The following AP2A2 variants were observed in gnomAD, a reference collection of about 807,000 sequenced individuals.
AP2A2 encodes the protein adaptor related protein complex 2 subunit alpha 2.
AP2A2 carries 32 observed loss-of-function variants against 104.2 expected under a neutral mutation model. That is an observed-to-expected ratio of 0.31 (90% CI 0.23 to 0.41). The LOEUF (loss-of-function observed/expected upper bound fraction) is 0.41, where lower values mean the gene tolerates loss of function less well. Among genes scored for constraint, AP2A2 ranks in the 10% least tolerant of loss-of-function variants. AP2A2 has a pLI of 1.00. For missense variants in AP2A2, 912 were observed against 1,261.0 expected, an observed-to-expected ratio of 0.72 and a Z score of 4.19; for synonymous variants, 539 against 533.3, an observed-to-expected ratio of 1.01 and a Z score of -0.15.
intron 14 of AP2A2, chr11:995,938 C>T (rs1454739430): frequency 2.0e-5 from 3 of 151,620 alleles, no homozygotes; most frequent in African/African-American, 7.3e-5. Context: ...CCCTTCACGC[C>T]TGAGCACCTT....
At position 992,345 on chromosome 11, in the gene AP2A2, G is replaced by A. The variant is rs1158107462; in HGVS notation, c.1270-158G>A. On this transcript the variant is annotated intron_variant, in intron 10 of 21. Transcript: ENST00000448903. The surrounding 1 kb of genome is among the most constrained non-coding windows in gnomAD (Gnocchi z 6.4). ...CATCTTAAACTTTCTGGGCTCGTGG[G>A]CTTTTTTGAGAATCGAGTTCAAGCT... 2.0e-5 allele frequency: 15 copies of A among 740,972 alleles called. No individual in the cohort carries two copies. Among genetic ancestry groups the A allele is most frequent in the Middle Eastern group, 3.7e-4 (1 of 2,672 alleles). 45.9% of individuals were successfully genotyped at this position (740,972 alleles called of 1,614,324 possible). A position where few individuals can be genotyped will look rare whatever the true frequency, so the allele number is the denominator to read the frequency against.
chr11:993,513 T>C lies in AP2A2; in HGVS notation c.1550+132T>C. The stretch of plus-strand genomic sequence containing the variant: ...GCCGCTTCTGCTCCCCATCGGCGTC[T>C]TTTTGTTTTCCTTCAGTTGATAGAA... On this transcript the variant is annotated intron_variant, in intron 12 of 21. Transcript: ENST00000448903. The surrounding 1 kb of genome is among the most constrained non-coding windows in gnomAD (Gnocchi z 8.2). 2 of 714,996 alleles carry C rather than the reference T, an allele frequency of 2.8e-6. No homozygotes were observed. Among genetic ancestry groups the C allele is most frequent in the Non-Finnish European group, 4.4e-6 (2 of 451,800 alleles). The allele number at this position is 714,996 out of a possible 1,614,324, so 44.3% of individuals were successfully genotyped here.
chr11:999,675 G>A (rs61867652), intron 14 of AP2A2, among the ~76,000 whole-genome samples: 2,822 of 152,160 alleles, frequency 0.019, 31 homozygotes, highest in Middle Eastern at 0.054. Flanking sequence ...GACTTTTAAT[G>A]ATTAATAATG....
In AP2A2 at chr11:993,294, C is replaced by G. The variant is rs769978755; in HGVS notation, c.1463C>G (p.Ala488Gly). 1.9e-6 allele frequency: 3 copies of G among 1,608,794 alleles called. No homozygotes were observed. The highest frequency in any genetic ancestry group is 2.5e-6 in the Non-Finnish European group (3 of 1,178,548). The change falls in exon 12 of 22, where the codon GCT becomes GGT. Residue 488 changes from alanine to glycine, a missense_variant. Transcript: ENST00000448903. The surrounding 1 kb of genome is among the most constrained non-coding windows in gnomAD (Gnocchi z 8.2). ...GTTTGTGCTTCGCAGGCTCTTCAGG[C>G]TCCCGCGTGCCACGAGAACCTGGTC... is the stretch of plus-strand genomic sequence containing the variant. ...AAKTVFEALQ[A>G]PACHENLVKV...
At chr11:973,885 T>C (rs7943115) in intron 4 of AP2A2, among the ~76,000 whole-genome samples, 88,768 of 152,042 alleles carry the variant, frequency 0.58, 26,662 homozygotes, top group Middle Eastern at 0.73. Context: ...TTTACAAACC[T>C]AGCATCTTGA....
At chr11:1,003,587 T>G in intron 15 of AP2A2, 135 bp from the exon 16 acceptor site, 1 of 554,234 alleles carries the variant, frequency 1.8e-6, no homozygotes, top group Non-Finnish European at 3.2e-6. Context: ...TTGGAATAGT[T>G]TCCACTTTTT....
chr11:972,584 C>T (rs995942533), intron 4 of AP2A2, among the ~76,000 whole-genome samples: 1 of 152,156 alleles, frequency 6.6e-6, no homozygotes, highest in African/African-American at 2.4e-5. Context: ...GTCGTCCCAG[C>T]TACTTGGTAG....
chr11:959,837 G>A (rs533471331), intron 2 of AP2A2, among the ~76,000 whole-genome samples: 1 of 152,154 alleles, frequency 6.6e-6, no homozygotes, highest in Non-Finnish European at 1.5e-5. Context: ...AGGCGCCACC[G>A]AACGCCTCCT....
intron 1 of AP2A2, among the ~76,000 whole-genome samples, chr11:937,834 G>C (rs1006173263): frequency 6.6e-6 from 1 of 152,204 alleles, no homozygotes; most frequent in Non-Finnish European, 1.5e-5. Context: ...ATTGGAGACT[G>C]TCTATACTTA....
At position 970,454 on chromosome 11, in the gene AP2A2, G is replaced by T. The variant is rs1394595748; in HGVS notation, c.279+143G>T. 3.7e-6 allele frequency: 4 copies of T among 1,074,944 alleles called. No individual in the cohort carries two copies. The Admixed American group carries it at 1.1e-4, about 30-fold the overall frequency. The allele number at this position is 1,074,944 out of a possible 1,614,324, so 66.6% of individuals were successfully genotyped here. ...GGGTCTGCTGCAGATGGAGACGCGT[G>T]CCCAGTCCTTGTTAGCACCTGCTGC... On this transcript the variant is annotated intron_variant, in intron 3 of 21. Coordinates refer to ENST00000448903, the MANE Select transcript of AP2A2 (RefSeq NM_012305.4).
chr11:963,318 C>T (rs1244261367), intron 2 of AP2A2, among the ~76,000 whole-genome samples: 2 of 151,648 alleles, frequency 1.3e-5, no homozygotes, highest in African/African-American at 2.4e-5. Flanking sequence ...CCCAGCTACT[C>T]GGGAGGCTGA....
intron 6 of AP2A2, among the ~76,000 whole-genome samples, chr11:982,624 T>C (rs577055805): frequency 6.6e-6 from 1 of 152,120 alleles, no homozygotes; most frequent in Admixed American, 6.6e-5. Context: ...GTAAAAACAT[T>C]TGAACTTGCA....
intron 5 of AP2A2, among the ~76,000 whole-genome samples, chr11:979,059 C>T (rs1457595558): frequency 6.6e-6 from 1 of 151,896 alleles, no homozygotes; most frequent in Non-Finnish European, 1.5e-5. Context: ...GGCTGGAGGC[C>T]ACTGAGGAGA....
At chr11:1,003,541 C>A in intron 15 of AP2A2, 181 bp from the exon 16 acceptor site, 1 of 505,266 alleles carries the variant, frequency 2.0e-6, no homozygotes, top group Non-Finnish European at 3.5e-6. Context: ...GTCCTGCTCA[C>A]CGTCCTCCTC....
chr11:966,069 C>G (rs1203980177), intron 2 of AP2A2, among the ~76,000 whole-genome samples: 1 of 152,212 alleles, frequency 6.6e-6, no homozygotes, highest in African/African-American at 2.4e-5. Context: ...AATTCATGGC[C>G]TCAGGTGAAC....
intron 1 of AP2A2, among the ~76,000 whole-genome samples, chr11:957,502 A>AG (rs1205160980): frequency 6.6e-6 from 1 of 152,196 alleles, no homozygotes; most frequent in Non-Finnish European, 1.5e-5. Flanking sequence ...CAGACAAGGT[A>AG]GGTCAGAGAA....
chr11:973,769 C>T (rs1441764717), intron 4 of AP2A2, among the ~76,000 whole-genome samples: 1 of 152,224 alleles, frequency 6.6e-6, no homozygotes, highest in African/African-American at 2.4e-5. Flanking sequence ...CTGGCCCTCC[C>T]TCTCCTCCTG....
chr11:939,746 G>C (rs1853581819), intron 1 of AP2A2, among the ~76,000 whole-genome samples: 1 of 151,450 alleles, frequency 6.6e-6, no homozygotes, highest in Non-Finnish European at 1.5e-5. Context: ...TGCCTGGCCT[G>C]TTTATTGATG....
At chr11:985,075 C>T (rs1855405935) in intron 7 of AP2A2, among the ~76,000 whole-genome samples, 1 of 152,200 alleles carries the variant, frequency 6.6e-6, no homozygotes, top group East Asian at 1.9e-4. Flanking sequence ...CCTCTGCCTC[C>T]CGGGTTCAAG....
Sources: gnomAD v4.1 joint callset for allele counts (sites outside exome capture counted in the v4.1 genomes callset) on GRCh38, gnomAD v4.1.1 for gene constraint, Gnocchi (gnomAD v3.1) non-coding constraint, MANE v1.5 for transcripts, NCBI Gene and HGNC (gene_info 2026-07-23, HGNC 2026-07-21) for gene names.